Variants in CDH18 observed in about 807,000 individuals in gnomAD.
CDH18 encodes cadherin 18, also known as cadherin-18.
In CDH18, 31 loss-of-function variants were observed where a neutral mutation model predicts 67.9. That is an observed-to-expected ratio of 0.46 (90% CI 0.34 to 0.62). The LOEUF (loss-of-function observed/expected upper bound fraction) is 0.62. Among genes scored for constraint, CDH18 ranks in the 20% least tolerant of loss-of-function variants. The pLI is 0.01. For missense variants in CDH18, 890 were observed against 975.5 expected, an observed-to-expected ratio of 0.91 and a Z score of 1.17; for synonymous variants, 362 against 347.2, an observed-to-expected ratio of 1.04 and a Z score of -0.48.
At chr5:19,701,681 G>T (rs779564238) in intron 5 of CDH18, among the ~76,000 whole-genome samples, 15 of 152,076 alleles carry the variant, frequency 9.9e-5, no homozygotes, top group Non-Finnish European at 1.9e-4. Flanking sequence ...ACCGCTTAGA[G>T]ATAAAATTGA....
At chr5:19,768,605 A>G (rs1003105477) in intron 3 of CDH18, among the ~76,000 whole-genome samples, 1 of 152,142 alleles carries the variant, frequency 6.6e-6, no homozygotes, top group Non-Finnish European at 1.5e-5. Flanking sequence ...TATTGGTTCC[A>G]GATATTTAAA....
intron 1 of CDH18, among the ~76,000 whole-genome samples, chr5:20,373,943 T>C (rs1041731149): frequency 1.8e-4 from 27 of 152,122 alleles, no homozygotes; most frequent in African/African-American, 6.3e-4. Flanking sequence ...AGTACATGTA[T>C]ATAAGTGATT....
chr5:20,076,545 A>C (rs148638977), intron 2 of CDH18, among the ~76,000 whole-genome samples: 1,410 of 138,772 alleles, frequency 0.01, 24 homozygotes, highest in African/African-American at 0.033. Context: ...ATAGATTCCC[A>C]AAAAAAAAAA....
chr5:19,608,003 C>A (rs950330336), intron 6 of CDH18, among the ~76,000 whole-genome samples: 3 of 151,126 alleles, frequency 2.0e-5, no homozygotes, highest in Non-Finnish European at 4.4e-5. Context: ...TTTAAAACTG[C>A]ATCTAAGAAA....
At chr5:20,385,741 T>TATTTACCAC (rs1254254904) in intron 1 of CDH18, among the ~76,000 whole-genome samples, 1 of 152,222 alleles carries the variant, frequency 6.6e-6, no homozygotes, top group Non-Finnish European at 1.5e-5. Context: ...GTCTTTATAC[T>TATTTACCAC]ATTTCCCATG....
At chr5:19,998,940 TG>T (rs1736227325) in intron 2 of CDH18, among the ~76,000 whole-genome samples, 1 of 151,586 alleles carries the variant, frequency 6.6e-6, no homozygotes, top group South Asian at 2.1e-4. Context: ...CAGAACAAGG[TG>T]GAATTATTTT....
At chr5:19,481,457 C>G (rs754789169) in intron 12 of CDH18, among the ~76,000 whole-genome samples, 4 of 152,156 alleles carry the variant, frequency 2.6e-5, no homozygotes, top group African/African-American at 4.8e-5. Context: ...CGTACTGTGT[C>G]GAAGGGAGAC....
At chr5:20,426,251 T>C (rs1278143864) in intron 1 of CDH18, among the ~76,000 whole-genome samples, 1 of 151,198 alleles carries the variant, frequency 6.6e-6, no homozygotes, top group African/African-American at 2.5e-5. Context: ...TAATTCCTAT[T>C]GATAACTTAA....
At chr5:20,381,705 A>G (rs1290908117) in intron 1 of CDH18, among the ~76,000 whole-genome samples, 1 of 152,158 alleles carries the variant, frequency 6.6e-6, no homozygotes, top group East Asian at 1.9e-4. Flanking sequence ...CAGAGAGAAG[A>G]ATATCTACAA....
intron 1 of CDH18, among the ~76,000 whole-genome samples, chr5:20,267,291 T>G (rs893710968): frequency 6.6e-6 from 1 of 152,210 alleles, no homozygotes; most frequent in Non-Finnish European, 1.5e-5. Flanking sequence ...CATTTTTCTA[T>G]GTGTTTATTT....
chr5:20,374,501 C>A (rs531700612), intron 1 of CDH18, among the ~76,000 whole-genome samples: 13 of 152,186 alleles, frequency 8.5e-5, no homozygotes, highest in Non-Finnish European at 1.6e-4. Context: ...CTAAGGAATT[C>A]CCTAGTGTTT....
chr5:20,193,298 C>T (rs907714886), intron 2 of CDH18, among the ~76,000 whole-genome samples: 6 of 152,020 alleles, frequency 3.9e-5, no homozygotes, highest in African/African-American at 1.4e-4. Context: ...TGAGAGAATA[C>T]CATAAACACC....
intron 8 of CDH18, among the ~76,000 whole-genome samples, chr5:19,562,051 C>T (rs991280725): frequency 1.3e-5 from 2 of 152,116 alleles, no homozygotes; most frequent in Non-Finnish European, 1.5e-5. Flanking sequence ...TGGACTGTTT[C>T]CTTTGGATCA....
chr5:19,916,485 C>T (rs966163755), intron 2 of CDH18, among the ~76,000 whole-genome samples: 2 of 152,136 alleles, frequency 1.3e-5, no homozygotes, highest in Non-Finnish European at 2.9e-5. Flanking sequence ...CAACTTCATC[C>T]TCCTCTTCCT....
intron 1 of CDH18, among the ~76,000 whole-genome samples, chr5:20,453,189 C>T (rs1343402793): frequency 1.3e-5 from 2 of 152,266 alleles, no homozygotes; most frequent in African/African-American, 2.4e-5. Flanking sequence ...GAGAGATAAA[C>T]GGTATGCATT....
intron 7 of CDH18, among the ~76,000 whole-genome samples, chr5:19,581,427 C>T (rs1743232165): frequency 6.6e-6 from 1 of 151,886 alleles, no homozygotes; most frequent in Admixed American, 6.6e-5. Flanking sequence ...TCTCATTAAT[C>T]ACTTCTATTA....
In CDH18 at chr5:19,960,714, T is replaced by C. The variant is rs1300455848; in HGVS notation, c.-257+20346A>G. ...ACACGTGTATATATGTATATATGTA[T>C]ACACGTGTATATACGTATATACGTA... On this transcript the variant is annotated intron_variant, in intron 2 of 12. Coordinates refer to ENST00000382275, the MANE Select transcript of CDH18 (RefSeq NM_004934.5). 4.0e-4 allele frequency among the ~76,000 whole-genome samples: 54 copies of C among 134,772 alleles called. 1 individual carries two copies. Among genetic ancestry groups the C allele is most frequent in the African/African-American group, 1.8e-3 (51 of 28,994 alleles). The allele number at this position is 134,772 out of a possible 152,430, so 88.4% of individuals were successfully genotyped here. A position where few individuals can be genotyped will look rare whatever the true frequency, so the allele number is the denominator to read the frequency against.
chr5:19,504,215 A>G (rs750356790), intron 10 of CDH18, among the ~76,000 whole-genome samples: 3 of 152,018 alleles, frequency 2.0e-5, no homozygotes, highest in Non-Finnish European at 2.9e-5. Context: ...ATGAAGTGAC[A>G]GTGAAGAAAG....
intron 2 of CDH18, among the ~76,000 whole-genome samples, chr5:20,215,721 A>G (rs1740715783): frequency 6.6e-6 from 1 of 151,962 alleles, no homozygotes; most frequent in East Asian, 1.9e-4. Flanking sequence ...CATGAAATCA[A>G]CCTAAATACC....
Sources: allele counts gnomAD v4.1 joint callset (sites outside exome capture counted in the v4.1 genomes callset), GRCh38; gene constraint gnomAD v4.1.1; transcripts MANE v1.5; gene names NCBI Gene and HGNC (gene_info 2026-07-23, HGNC 2026-07-21).